ADRA2A: variants seen among roughly 807,000 people sequenced by gnomAD.
The protein encoded by ADRA2A is alpha-2A adrenergic receptor.
In ADRA2A, 6 loss-of-function variants were observed where a neutral mutation model predicts 5.9. That is an observed-to-expected ratio of 1.01 (90% CI 0.55 to 2.00). The LOEUF is 2.00. Ranked by LOEUF, ADRA2A falls within the 30% of genes most tolerant of loss-of-function variation. ADRA2A has a pLI of 0.00. For missense variants in ADRA2A, 647 were observed against 690.0 expected, an observed-to-expected ratio of 0.94 and a Z score of 0.70; for synonymous variants, 345 against 325.9, an observed-to-expected ratio of 1.06 and a Z score of -0.63.
rs1843564522 is a variant in ADRA2A at position 111,078,775 on chromosome 10, G to A, written c.779G>A (p.Gly260Asp). Residue 260 changes from glycine to aspartate, a missense_variant, in exon 1 of 1, where the codon GGC (glycine) becomes GAC (aspartate). Physicochemically the swap from Gly to Asp is moderately conservative, Grantham distance 94. This residue lies in a region of ADRA2A where 577 missense variants were observed against 605.4 expected (regional missense o/e 0.95). Transcript: ENST00000280155. Reference sequence around the variant, plus strand: ...GACGCCGTCGCCGCGCCGCCGGGGGGCACCGAGCGCAGGCCCAACGGTCTG... The same window carrying A: ...GACGCCGTCGCCGCGCCGCCGGGGGACACCGAGCGCAGGCCCAACGGTCTG... ...GPDAVAAPPGGTERRPNGLGP... is the reference protein window; with the variant it reads ...GPDAVAAPPGDTERRPNGLGP... 3.5e-6 allele frequency: 5 copies of A among 1,416,886 alleles called. No homozygotes were observed. In the East Asian group the frequency reaches 1.1e-4, roughly 32 times the overall value. 87.8% of individuals were successfully genotyped at this position (1,416,886 alleles called of 1,614,324 possible). A position where few individuals can be genotyped will look rare whatever the true frequency, so the allele number is the denominator to read the frequency against.
rs1009668500 is a variant in ADRA2A at position 111,077,920 on chromosome 10, G to C, written c.-77G>C. 1 of 1,320,702 alleles carries C rather than the reference G, an allele frequency of 7.6e-7. No homozygotes were observed. Among genetic ancestry groups the C allele is most frequent in the Non-Finnish European group, 9.6e-7 (1 of 1,043,454 alleles). The allele number at this position is 1,320,702 out of a possible 1,614,324, so 81.8% of individuals were successfully genotyped here. On this transcript the variant is annotated 5_prime_UTR_variant, in exon 1 of 1. Transcript: ENST00000280155. ...GCCGCAGCCAGGCGAGCGGGGCGCC[G>C]GAGGAAGAGGAGGACCCACGGGCGC...
rs1843575163 is a variant in ADRA2A, at chr10:111,079,672, G to A, written c.*278G>A. 1.8e-6 allele frequency: 1 copy of A among 552,208 alleles called. No homozygotes were observed. The highest frequency in any genetic ancestry group is 3.3e-6 in the Non-Finnish European group (1 of 301,072). The allele number at this position is 552,208 out of a possible 1,614,324, so 34.2% of individuals were successfully genotyped here. ...CCCTAATCACTATTGCTTCCTAAAG[G>A]TATTTTCACCCTCTTCGCCTGGTAC... On this transcript the variant is annotated 3_prime_UTR_variant, in exon 1 of 1. Transcript: ENST00000280155.
chr10:111,079,025 G>T lies in ADRA2A; in HGVS notation c.1029G>T (p.Pro343=). The T allele has an allele frequency of 7.9e-7, 1 of 1,260,068 alleles. No homozygotes were observed. Among genetic ancestry groups the T allele is most frequent in the Non-Finnish European group, 9.9e-7 (1 of 1,007,326 alleles). The allele number at this position is 1,260,068 out of a possible 1,614,324, so 78.1% of individuals were successfully genotyped here. Residue 343 remains proline, a synonymous_variant, in exon 1 of 1, where the codon CCG becomes CCT. Transcript: ENST00000280155. ...AGGCCCGAGCGAGCCAGGTGAAGCC[G>T]GGCGACAGCCTGCCGCGGCGCGGGC... ...KGKARASQVK[P]GDSLPRRGPG...
rs1843570649 is a variant in ADRA2A, at chr10:111,079,211, C to G, written c.1215C>G (p.Phe405Leu). The change falls in exon 1 of 1, where the codon TTC becomes TTG. Residue 405 changes from phenylalanine to leucine, a missense_variant. Physicochemically the swap from Phe to Leu is conservative, Grantham distance 22. Transcript: ENST00000280155. Reference protein sequence around the residue: ...IGVFVVCWFPFFFTYTLTAVG... With the variant: ...IGVFVVCWFPLFFTYTLTAVG... ...TGTTCGTGGTGTGCTGGTTCCCCTT[C>G]TTCTTCACCTACACGCTCACGGCCG... The G allele has an allele frequency of 1.9e-6, 3 of 1,614,138 alleles. No homozygotes were observed. Among genetic ancestry groups the G allele is most frequent in the Non-Finnish European group, 2.5e-6 (3 of 1,180,014 alleles).
rs1236009423 is a variant in ADRA2A, at chr10:111,077,980, A to C, written c.-17A>C. The C allele has an allele frequency of 1.4e-6, 2 of 1,386,918 alleles. No individual in the cohort carries two copies. The highest frequency in any genetic ancestry group is 3.3e-5 in the South Asian group (2 of 60,268). 85.9% of individuals were successfully genotyped at this position (1,386,918 alleles called of 1,614,324 possible). On this transcript the variant is annotated 5_prime_UTR_variant, in exon 1 of 1. Transcript: ENST00000280155. Reference sequence around the variant, plus strand: ...AGGCAGCTGGCAGCAGGCCCAGGCCAGCGGGCGCCCGCGTTCATGTTCCGC... The same window carrying C: ...AGGCAGCTGGCAGCAGGCCCAGGCCCGCGGGCGCCCGCGTTCATGTTCCGC...
At position 111,079,640 on chromosome 10, in the gene ADRA2A, G is replaced by C. The variant is rs1242264958; in HGVS notation, c.*246G>C. ...CTTGACCTGGAGCCATCTTCCTAGT[G>C]GGCCACCCCTAATCACTATTGCTTC... On this transcript the variant is annotated 3_prime_UTR_variant, in exon 1 of 1. Transcript: ENST00000280155. 1.7e-6 allele frequency: 1 copy of C among 603,100 alleles called. No individual in the cohort carries two copies. Among genetic ancestry groups the C allele is most frequent in the Non-Finnish European group, 3.0e-6 (1 of 330,998 alleles). 37.4% of individuals were successfully genotyped at this position (603,100 alleles called of 1,614,324 possible). A position where few individuals can be genotyped will look rare whatever the true frequency, so the allele number is the denominator to read the frequency against.
chr10:111,077,807 C>G lies in ADRA2A; in HGVS notation c.-190C>G, dbSNP rs1401132735. The G allele has an allele frequency of 1.2e-6, 1 of 849,576 alleles. No individual in the cohort carries two copies. The highest frequency in any genetic ancestry group is 1.6e-6 in the Non-Finnish European group (1 of 638,092). 52.6% of individuals were successfully genotyped at this position (849,576 alleles called of 1,614,324 possible). A position where few individuals can be genotyped will look rare whatever the true frequency, so the allele number is the denominator to read the frequency against. ...CCACCGAGAGCGTCTGAAGCGCGAG[C>G]CAGGCGCAGTTCGCGGGACCCGGGC... is the stretch of plus-strand genomic sequence containing the variant. On this transcript the variant is annotated 5_prime_UTR_variant, in exon 1 of 1. Coordinates refer to ENST00000280155, the MANE Select transcript of ADRA2A (RefSeq NM_000681.4).
rs1843571433 is a variant in ADRA2A, at chr10:111,079,291, G to GC, written c.1296dup (p.Asn433GlnfsTer42). 3.1e-6 allele frequency: 5 copies of GC among 1,613,922 alleles called. No homozygotes were observed. The highest frequency in any genetic ancestry group is 4.2e-6 in the Non-Finnish European group (5 of 1,179,972). On this transcript the variant is annotated frameshift_variant, in exon 1 of 1. Transcript: ENST00000280155. LOFTEE classifies it high-confidence loss of function. ...AAATTCTTCTTCTGGTTCGGCTACT[G>GC]CAACAGCTCGTTGAACCCGGTCATC...
chr10:111,078,047 C>G lies in ADRA2A; in HGVS notation c.51C>G (p.Gly17=). The part of the protein sequence containing the change: ...PLAEGSFAPM[G]SLQPDAGNAS... Reference sequence around the variant, plus strand: ...CCGAGGGCAGCTTTGCGCCCATGGGCTCCCTGCAGCCGGACGCGGGCAACG... The same window carrying G: ...CCGAGGGCAGCTTTGCGCCCATGGGGTCCCTGCAGCCGGACGCGGGCAACG... The change falls in exon 1 of 1, where the codon GGC becomes GGG. Residue 17 remains glycine, a synonymous_variant. Transcript: ENST00000280155. 1 of 1,519,320 alleles carries G rather than the reference C, an allele frequency of 6.6e-7. No homozygotes were observed. Among genetic ancestry groups the G allele is most frequent in the Non-Finnish European group, 8.8e-7 (1 of 1,141,928 alleles). The allele number at this position is 1,519,320 out of a possible 1,614,324, so 94.1% of individuals were successfully genotyped here.
At position 111,078,788 on chromosome 10, in the gene ADRA2A, GC is replaced by G; in HGVS notation, c.795del (p.Asn266ThrfsTer76). On this transcript the variant is annotated frameshift_variant, in exon 1 of 1. Transcript: ENST00000280155. LOFTEE classifies it low-confidence loss of function (END_TRUNC). ...AAPPGGTERRPNGLGPERSAG... is the reference protein window; with the variant it reads ...AAPPGGTERRXNGLGPERSAG... ...CGCCGCCGGGGGGCACCGAGCGCAGGCCCAACGGTCTGGGCCCCGAGCGCAG... is the reference window on the plus strand; with the variant it reads ...CGCCGCCGGGGGGCACCGAGCGCAGGCCAACGGTCTGGGCCCCGAGCGCAG... 1 of 1,390,040 alleles carries G rather than the reference GC, an allele frequency of 7.2e-7. No individual in the cohort carries two copies. The highest frequency in any genetic ancestry group is 1.5e-5 in the African/African-American group (1 of 65,008). The allele number at this position is 1,390,040 out of a possible 1,614,324, so 86.1% of individuals were successfully genotyped here. A position where few individuals can be genotyped will look rare whatever the true frequency, so the allele number is the denominator to read the frequency against.
Position 111,077,867 on chromosome 10 carries a change from G to T in ADRA2A, c.-130G>T. The T allele has an allele frequency of 7.9e-7, 1 of 1,271,790 alleles. No homozygotes were observed. The highest frequency in any genetic ancestry group is 4.2e-5 in the Admixed American group (1 of 23,746). The allele number at this position is 1,271,790 out of a possible 1,614,324, so 78.8% of individuals were successfully genotyped here. On this transcript the variant is annotated 5_prime_UTR_variant, in exon 1 of 1. Coordinates refer to ENST00000280155, the MANE Select transcript of ADRA2A (RefSeq NM_000681.4). ...CTAGCGGTCCTCCAGTTCGGGCCCG[G>T]CCTCCCTGCGGCCCCCTCCCTATGT...
rs780389097 is a variant in ADRA2A at position 111,078,799 on chromosome 10, TGGGCCCCGAGCGCAGCGC to T, written c.810_827del (p.Glu271_Pro276del). 5,898 of 1,300,918 alleles carry T rather than the reference TGGGCCCCGAGCGCAGCGC, an allele frequency of 4.5e-3. 21 individuals carry two copies. Among genetic ancestry groups the T allele is most frequent in the Non-Finnish European group, 5.0e-3 (5,128 of 1,025,492 alleles). The allele number at this position is 1,300,918 out of a possible 1,614,324, so 80.6% of individuals were successfully genotyped here. A position where few individuals can be genotyped will look rare whatever the true frequency, so the allele number is the denominator to read the frequency against. On this transcript the variant is annotated inframe_deletion, in exon 1 of 1. Coordinates refer to ENST00000280155, the MANE Select transcript of ADRA2A (RefSeq NM_000681.4). ...GGCACCGAGCGCAGGCCCAACGGTC[TGGGCCCCGAGCGCAGCGC>T]GGGCCCGGGGGGCGCAGAGGCCGAA...
chr10:111,080,681 A>T lies in ADRA2A; in HGVS notation c.*1287A>T, dbSNP rs1215236020. On this transcript the variant is annotated 3_prime_UTR_variant, in exon 1 of 1. Coordinates refer to ENST00000280155, the MANE Select transcript of ADRA2A (RefSeq NM_000681.4). ...GCATTTCTACATGTTTTAGACAGAG[A>T]CAATTTAAGGCCTGCACTCTTATTT... 1 of 167,082 alleles carries T rather than the reference A, an allele frequency of 6.0e-6. No individual in the cohort carries two copies. Among genetic ancestry groups the T allele is most frequent in the Non-Finnish European group, 1.5e-5 (1 of 68,132 alleles). 10.3% of individuals were successfully genotyped at this position (167,082 alleles called of 1,614,324 possible).
rs978567792 is a variant in ADRA2A at position 111,079,069 on chromosome 10, G to A, written c.1073G>A (p.Gly358Glu). Reference protein sequence around the residue: ...PRRGPGATGIGTPAAGPGEER... With the variant: ...PRRGPGATGIETPAAGPGEER... ...CGCGGGCCGGGGGCGACGGGGATCG[G>A]GACGCCGGCTGCAGGGCCGGGGGAG... The change falls in exon 1 of 1, where the codon GGG becomes GAG. Residue 358 changes from glycine to glutamate, a missense_variant. Gly to Glu is a moderately conservative substitution (Grantham distance 98). Transcript: ENST00000280155. 25 of 1,369,876 alleles carry A rather than the reference G, an allele frequency of 1.8e-5. No homozygotes were observed. In the African/African-American group the frequency reaches 3.0e-4, roughly 17 times the overall value. The allele number at this position is 1,369,876 out of a possible 1,614,324, so 84.9% of individuals were successfully genotyped here. A position where few individuals can be genotyped will look rare whatever the true frequency, so the allele number is the denominator to read the frequency against.
chr10:111,078,395 G>A lies in ADRA2A; in HGVS notation c.399G>A (p.Thr133=). ...TGGCGCTCGACGTGCTCTTCTGCAC[G>A]TCGTCCATCGTGCACCTGTGCGCCA... ...IYLALDVLFC[T]SSIVHLCAIS... The change falls in exon 1 of 1, where the codon ACG becomes ACA. Residue 133 remains threonine, a synonymous_variant. Transcript: ENST00000280155. The A allele has an allele frequency of 1.2e-6, 2 of 1,612,904 alleles. No individual in the cohort carries two copies. Among genetic ancestry groups the A allele is most frequent in the South Asian group, 1.1e-5 (1 of 91,046 alleles).
At position 111,077,843 on chromosome 10, in the gene ADRA2A, T is replaced by C; in HGVS notation, c.-154T>C. 1.7e-6 allele frequency: 2 copies of C among 1,203,454 alleles called. No individual in the cohort carries two copies. The highest frequency in any genetic ancestry group is 2.1e-6 in the Non-Finnish European group (2 of 957,184). 74.5% of individuals were successfully genotyped at this position (1,203,454 alleles called of 1,614,324 possible). A position where few individuals can be genotyped will look rare whatever the true frequency, so the allele number is the denominator to read the frequency against. On this transcript the variant is annotated 5_prime_UTR_variant, in exon 1 of 1. An upstream open reading frame in the 5' UTR loses its in-frame stop. Transcript: ENST00000280155. Reference sequence around the variant, plus strand: ...TCGCGGGACCCGGGCCATGGGCCGCTAGCGGTCCTCCAGTTCGGGCCCGGC... The same window carrying C: ...TCGCGGGACCCGGGCCATGGGCCGCCAGCGGTCCTCCAGTTCGGGCCCGGC...
rs1320840023 is a variant in ADRA2A, at chr10:111,080,518, C to T, written c.*1124C>T. 2 of 167,014 alleles carry T rather than the reference C, an allele frequency of 1.2e-5. No homozygotes were observed. Among genetic ancestry groups the T allele is most frequent in the East Asian group, 3.8e-4 (2 of 5,204 alleles). 10.3% of individuals were successfully genotyped at this position (167,014 alleles called of 1,614,324 possible). A position where few individuals can be genotyped will look rare whatever the true frequency, so the allele number is the denominator to read the frequency against. On this transcript the variant is annotated 3_prime_UTR_variant, in exon 1 of 1. Transcript: ENST00000280155. ...TGAAAAGACAAATGGGCCTGCCAAA[C>T]TGTACAGTTTCTTCCCCAAGAGCTG...
Position 111,079,151 on chromosome 10 carries a change from G to C in ADRA2A, c.1155G>C (p.Lys385Asn), listed in dbSNP as rs201475397. 1.8e-4 allele frequency: 291 copies of C among 1,609,796 alleles called. No individual in the cohort carries two copies. Among genetic ancestry groups the C allele is most frequent in the Non-Finnish European group, 1.2e-4 (142 of 1,177,600 alleles). Residue 385 changes from lysine (K) to asparagine (N), a missense_variant, in exon 1 of 1, where the codon AAG becomes AAC. Lys to Asn is a moderately conservative substitution (Grantham distance 94). Transcript: ENST00000280155. ...GGCGCGGGCGGCAGAACCGCGAGAA[G>C]CGCTTCACGTTCGTGCTGGCCGTGG... ...SRWRGRQNRE[K>N]RFTFVLAVVI...
In ADRA2A at chr10:111,079,438, G is replaced by T; in HGVS notation, c.*44G>T. ...CGTAGACTCACGCTGACTGCAGGCA[G>T]CGGGGGGCATCGAGGGGTGCTTAGC... On this transcript the variant is annotated 3_prime_UTR_variant, in exon 1 of 1. Transcript: ENST00000280155. 1 of 1,599,544 alleles carries T rather than the reference G, an allele frequency of 6.3e-7. No homozygotes were observed. Among genetic ancestry groups the T allele is most frequent in the South Asian group, 1.1e-5 (1 of 90,312 alleles).
Sources: allele counts gnomAD v4.1 joint callset, GRCh38; gene constraint gnomAD v4.1.1; regional missense constraint gnomAD v4.1.1; transcripts MANE v1.5; gene names NCBI Gene and HGNC (gene_info 2026-07-23, HGNC 2026-07-21).